Variants in IGSF10 observed in about 807,000 individuals in gnomAD.
IGSF10 encodes the protein calvaria mechanical force protein 608.
IGSF10 carries 126 observed loss-of-function variants against 128.2 expected under a neutral mutation model. The ratio of observed to expected loss-of-function variants is 0.98; its 90% confidence interval spans 0.85 to 1.14. The LOEUF (loss-of-function observed/expected upper bound fraction) is 1.14, where lower values mean the gene tolerates loss of function less well. Ranked by LOEUF, IGSF10 falls within the 50% of genes most tolerant of loss-of-function variation. The probability of loss-of-function intolerance (pLI) is 0.00; values close to 1 mark genes in which losing one functional copy is unlikely to be tolerated. For synonymous variants in IGSF10, 1,185 were observed against 1,146.2 expected (o/e 1.03, Z -0.68); for missense variants, 3,295 against 3,149.8 (o/e 1.05, Z -1.10).
chr3:151,442,542 G>A (rs983291173), intron 7 of IGSF10, among the ~76,000 whole-genome samples: 2 of 58,690 alleles, frequency 3.4e-5, no homozygotes, highest in South Asian at 7.3e-4. Flanking sequence ...CACCATGCCC[G>A]GCTAATTTTT....
rs750026751 is a variant in IGSF10 at position 151,446,686 on chromosome 3, A to G, written c.3295T>C (p.Ser1099Pro). Residue 1099 changes from serine to proline, a missense_variant, in exon 6 of 8, where the codon TCA becomes CCA. By Grantham distance (74) the Ser-to-Pro change is moderately conservative. Coordinates refer to ENST00000282466, the MANE Select transcript of IGSF10 (RefSeq NM_178822.5). ...FPKADIARVP[S>P]EESTTLVQNP... Reference sequence around the variant, plus strand: ...TGGACTAGAGTTGTAGACTCTTCTGATGGGACTCTAGCAATGTCAGCTTTG... The same window carrying G: ...TGGACTAGAGTTGTAGACTCTTCTGGTGGGACTCTAGCAATGTCAGCTTTG... 3 of 1,614,024 alleles carry G rather than the reference A, an allele frequency of 1.9e-6. No homozygotes were observed. In the South Asian group the frequency reaches 3.3e-5, roughly 18 times the overall value.
At chr3:151,558,130 G>T in the IGSF10 span, among the ~76,000 whole-genome samples, 2 of 147,686 alleles carry the variant, frequency 1.4e-5, no homozygotes, top group Admixed American at 1.4e-4. Context: ...TACAGTCACA[G>T]GTTTCCACCT....
the IGSF10 span, among the ~76,000 whole-genome samples, chr3:151,588,837 A>G: frequency 6.6e-6 from 1 of 152,358 alleles, no homozygotes; most frequent in South Asian, 2.1e-4. Flanking sequence ...GAAGCAACAA[A>G]GTAGAGTAAG....
chr3:151,593,248 G>C, the IGSF10 span, among the ~76,000 whole-genome samples: 5 of 152,070 alleles, frequency 3.3e-5, no homozygotes, highest in Admixed American at 6.5e-5. Flanking sequence ...GAGTAGCTGG[G>C]AACACAGGCA....
chr3:151,447,742 AG>A lies in IGSF10; in HGVS notation c.2238del (p.Ser747LeufsTer31). ...RFRENRRHFP[P>X]SARRIDPQHW... ...TGTTGTGGGTCAATTCTCCTAGCAG[AG>A]GGAGGGAAATGCCTCCTATTCTCCC... On this transcript the variant is annotated frameshift_variant, in exon 6 of 8. Transcript: ENST00000282466. LOFTEE classifies it high-confidence loss of function. 2 of 1,614,168 alleles carry A rather than the reference AG, an allele frequency of 1.2e-6. No homozygotes were observed. Among genetic ancestry groups the A allele is most frequent in the Non-Finnish European group, 1.7e-6 (2 of 1,180,032 alleles).
chr3:151,593,943 G>T, the IGSF10 span, among the ~76,000 whole-genome samples: 1 of 152,064 alleles, frequency 6.6e-6, no homozygotes, highest in Admixed American at 6.6e-5. Flanking sequence ...TTCTGGTTAG[G>T]ATTTCATCTC....
At position 151,450,574 on chromosome 3, in the gene IGSF10, C is replaced by T. The variant is rs140916507; in HGVS notation, c.716-1309G>A. On this transcript the variant is annotated intron_variant, in intron 5 of 7. Coordinates refer to ENST00000282466, the MANE Select transcript of IGSF10 (RefSeq NM_178822.5). ...AAACCTATGCAGAGGAGGTGGCTGGCAAGTTGGGAAACCTTTGAACAATCA... is the reference window on the plus strand; with the variant it reads ...AAACCTATGCAGAGGAGGTGGCTGGTAAGTTGGGAAACCTTTGAACAATCA... 4.0e-3 allele frequency among the ~76,000 whole-genome samples: 602 copies of T among 152,156 alleles called. 1 individual carries two copies. Among genetic ancestry groups the T allele is most frequent in the African/African-American group, 0.014 (582 of 41,494 alleles).
the IGSF10 span, among the ~76,000 whole-genome samples, chr3:151,599,252 G>C: frequency 2.0e-5 from 3 of 151,918 alleles, no homozygotes; most frequent in Admixed American, 2.0e-4. Context: ...GTGCCTGTGC[G>C]TCTGGGGTGG....
At chr3:151,479,419 C>A in the IGSF10 span, among the ~76,000 whole-genome samples, 2 of 151,938 alleles carry the variant, frequency 1.3e-5, no homozygotes, top group African/African-American at 2.4e-5. Context: ...ATTAAAATGT[C>A]TTTTTATTAA....
chr3:151,451,816 T>C (rs1054276675), intron 5 of IGSF10, among the ~76,000 whole-genome samples: 4 of 152,154 alleles, frequency 2.6e-5, no homozygotes, highest in Non-Finnish European at 4.4e-5. Flanking sequence ...TAAAAAAGAA[T>C]GGAAACAGAG....
At chr3:151,575,751 A>G in the IGSF10 span, among the ~76,000 whole-genome samples, 20 of 152,098 alleles carry the variant, frequency 1.3e-4, no homozygotes, top group East Asian at 3.9e-4. Context: ...ACCAGTCCCA[A>G]TGAGATGAAC....
At chr3:151,533,995 A>T in the IGSF10 span, among the ~76,000 whole-genome samples, 2 of 152,254 alleles carry the variant, frequency 1.3e-5, no homozygotes, top group Non-Finnish European at 2.9e-5. Context: ...AAGTGAGTAA[A>T]TAATATGAAC....
chr3:151,547,074 C>A, the IGSF10 span, among the ~76,000 whole-genome samples: 1 of 152,070 alleles, frequency 6.6e-6, no homozygotes, highest in Non-Finnish European at 1.5e-5. Flanking sequence ...TGCCCGGCCT[C>A]TTTTCTCCAT....
the IGSF10 span, among the ~76,000 whole-genome samples, chr3:151,482,051 C>G: frequency 1.3e-5 from 2 of 152,104 alleles, no homozygotes. Context: ...AAAAGTAATT[C>G]CCTATGAAAG....
chr3:151,609,459 T>C, the IGSF10 span, among the ~76,000 whole-genome samples: 1 of 152,070 alleles, frequency 6.6e-6, no homozygotes, highest in Non-Finnish European at 1.5e-5. Context: ...CCTTTTTCTC[T>C]AGCTGCCTTT....
chr3:151,495,967 G>A, the IGSF10 span, among the ~76,000 whole-genome samples: 76 of 152,176 alleles, frequency 5.0e-4, no homozygotes, highest in Admixed American at 9.8e-4. Flanking sequence ...GCTTATATCC[G>A]TAATGCTACT....
intron 7 of IGSF10, among the ~76,000 whole-genome samples, chr3:151,440,143 A>G (rs1560172687): frequency 6.6e-6 from 1 of 151,932 alleles, no homozygotes; most frequent in African/African-American, 2.4e-5. Flanking sequence ...CAATCCACCA[A>G]CCTCAACCTC....
At chr3:151,480,014 G>T in the IGSF10 span, among the ~76,000 whole-genome samples, 1 of 151,380 alleles carries the variant, frequency 6.6e-6, no homozygotes, top group African/African-American at 2.4e-5. Flanking sequence ...CATCTATTCA[G>T]GAGTGCATAT....
At chr3:151,498,220 A>G in the IGSF10 span, among the ~76,000 whole-genome samples, 2 of 152,106 alleles carry the variant, frequency 1.3e-5, no homozygotes, top group Admixed American at 1.3e-4. Flanking sequence ...GTTGAATAGG[A>G]GTGGTGAGAG....
Sources: allele counts gnomAD v4.1 joint callset (sites outside exome capture counted in the v4.1 genomes callset), GRCh38; gene constraint gnomAD v4.1.1; transcripts MANE v1.5; gene names NCBI Gene and HGNC (gene_info 2026-07-23, HGNC 2026-07-21).